The following STX8 variants were observed in gnomAD, a reference collection of about 807,000 sequenced individuals.
STX8 encodes the protein syntaxin-8.
In STX8, 23 loss-of-function variants were observed where a neutral mutation model predicts 37.5. The observed-to-expected ratio is 0.61, with a 90% CI of 0.44 to 0.87. STX8 has a LOEUF of 0.87. Among genes scored for constraint, STX8 ranks in the 40% least tolerant of loss-of-function variants. STX8 has a pLI of 0.00. For synonymous variants in STX8, 115 were observed against 99.1 expected (o/e 1.16, Z -0.95); for missense variants, 313 against 284.7 (o/e 1.10, Z -0.71).
At chr17:9,282,589 A>C (rs1474187568) in intron 7 of STX8, among the ~76,000 whole-genome samples, 1 of 152,244 alleles carries the variant, frequency 6.6e-6, no homozygotes, top group Non-Finnish European at 1.5e-5. Flanking sequence ...TATCCTCTTT[A>C]TGAATGAAAC....
At chr17:9,549,589 T>C (rs907867420) in intron 3 of STX8, among the ~76,000 whole-genome samples, 2 of 152,212 alleles carry the variant, frequency 1.3e-5, no homozygotes, top group Non-Finnish European at 2.9e-5. Flanking sequence ...AGAATCCTGA[T>C]AAAAACAATA....
At chr17:9,428,233 G>A (rs974848023) in intron 6 of STX8, among the ~76,000 whole-genome samples, 17 of 151,978 alleles carry the variant, frequency 1.1e-4, no homozygotes, top group Admixed American at 1.0e-3. Flanking sequence ...CACCAGAAAT[G>A]ACTTTTGTTT....
At chr17:9,259,536 G>A (rs28386961) in intron 7 of STX8, among the ~76,000 whole-genome samples, 77,703 of 152,098 alleles carry the variant, frequency 0.51, 22,545 homozygotes, top group African/African-American at 0.8. Flanking sequence ...TGATGAGGGC[G>A]TCCGGGAAAG....
intron 7 of STX8, among the ~76,000 whole-genome samples, chr17:9,352,118 C>G (rs1024659946): frequency 6.7e-6 from 1 of 149,708 alleles, no homozygotes. Context: ...TGCCACTGCA[C>G]TCCAGCCTGG....
chr17:9,258,246 G>A (rs948824030), intron 7 of STX8, among the ~76,000 whole-genome samples: 1 of 152,220 alleles, frequency 6.6e-6, no homozygotes, highest in African/African-American at 2.4e-5. Flanking sequence ...CCTGAGCTGA[G>A]GTGGGGAATA....
intron 6 of STX8, among the ~76,000 whole-genome samples, chr17:9,457,246 G>A (rs1905209414): frequency 6.6e-6 from 1 of 152,182 alleles, no homozygotes; most frequent in Non-Finnish European, 1.5e-5. Flanking sequence ...GTCTGACGTA[G>A]GTCTCCGTGG....
At chr17:9,441,380 C>T (rs1904645370) in intron 6 of STX8, among the ~76,000 whole-genome samples, 1 of 150,388 alleles carries the variant, frequency 6.6e-6, no homozygotes. Context: ...GTCCCAGCTA[C>T]TTGGGAGGCT....
At chr17:9,417,780 C>G (rs1032589271) in intron 6 of STX8, among the ~76,000 whole-genome samples, 4 of 152,156 alleles carry the variant, frequency 2.6e-5, no homozygotes, top group African/African-American at 9.7e-5. Context: ...TCAATCATGC[C>G]TATGTAATGG....
At chr17:9,383,287 C>T (rs1431042301) in intron 6 of STX8, among the ~76,000 whole-genome samples, 6 of 152,084 alleles carry the variant, frequency 3.9e-5, no homozygotes, top group Non-Finnish European at 4.4e-5. Flanking sequence ...TACTAAAGCA[C>T]GACTTATGGA....
At position 9,307,499 on chromosome 17, in the gene STX8, C is replaced by T. The variant is rs115963578; in HGVS notation, c.644-56854G>A. On this transcript the variant is annotated intron_variant, in intron 7 of 7. Coordinates refer to ENST00000306357, the MANE Select transcript of STX8 (RefSeq NM_004853.3). The stretch of plus-strand genomic sequence containing the variant: ...AGTTGCTTCTCCTGTTCTCTTCTTG[C>T]ATCAGCAGTGGTTCTGGCAATGGCT... Among the ~76,000 whole-genome samples the T allele has an allele frequency of 5.2e-3, 792 of 152,286 alleles. 6 individuals carry two copies. Among genetic ancestry groups the T allele is most frequent in the African/African-American group, 0.018 (747 of 41,562 alleles).
intron 7 of STX8, among the ~76,000 whole-genome samples, chr17:9,260,896 G>C (rs1215542714): frequency 6.6e-6 from 1 of 152,224 alleles, no homozygotes; most frequent in Non-Finnish European, 1.5e-5. Context: ...CAGAAACGTG[G>C]AAAGAATCAA....
intron 7 of STX8, among the ~76,000 whole-genome samples, chr17:9,369,733 T>C (rs1911341879): frequency 6.9e-6 from 1 of 145,182 alleles, no homozygotes; most frequent in African/African-American, 2.6e-5. Flanking sequence ...CTATAAAAAA[T>C]AAAATAAAAA....
chr17:9,394,241 G>C lies in STX8; in HGVS notation c.542-15588C>G, dbSNP rs375863006. On this transcript the variant is annotated intron_variant, in intron 6 of 7. Transcript: ENST00000306357. ...TGTCAACCATGCTAAGCGCGGCTTT[G>C]GATGTGGGAGGGATGGGGAGAGAGA... Among the ~76,000 whole-genome samples the C allele has an allele frequency of 2.6e-5, 4 of 152,238 alleles. No homozygotes were observed. The East Asian group carries it at 5.8e-4, about 22-fold the overall frequency.
intron 6 of STX8, among the ~76,000 whole-genome samples, chr17:9,472,069 C>T (rs1197535606): frequency 8.1e-6 from 1 of 122,734 alleles, no homozygotes; most frequent in Non-Finnish European, 1.8e-5. Flanking sequence ...CTGGTAGATT[C>T]CTTTTTTTTT....
At chr17:9,457,252 C>T (rs576696223) in intron 6 of STX8, among the ~76,000 whole-genome samples, 3 of 152,262 alleles carry the variant, frequency 2.0e-5, no homozygotes, top group South Asian at 2.1e-4. Context: ...CGTAGGTCTC[C>T]GTGGGTTAAA....
rs73976037 is a variant in STX8 at position 9,304,924 on chromosome 17, A to T, written c.644-54279T>A. Among the ~76,000 whole-genome samples the T allele has an allele frequency of 6.3e-3, 849 of 135,044 alleles. 10 individuals are homozygous for T. The highest frequency in any genetic ancestry group is 0.027 in the African/African-American group (798 of 29,868). 88.6% of individuals were successfully genotyped at this position (135,044 alleles called of 152,430 possible). On this transcript the variant is annotated intron_variant, in intron 7 of 7. Transcript: ENST00000306357. ...CCTTTCATATATGGGCGAAAAAAAA[A>T]ATATGTATATATATATATATATACA...
intron 6 of STX8, among the ~76,000 whole-genome samples, chr17:9,429,917 A>T (rs552970178): frequency 0.2 from 1,029 of 5,146 alleles, 228 homozygotes; most frequent in East Asian, 0.6. Flanking sequence ...TATTATATAT[A>T]ATATATATAA....
chr17:9,489,140 G>C (rs1431171129), intron 6 of STX8, among the ~76,000 whole-genome samples: 2 of 152,146 alleles, frequency 1.3e-5, no homozygotes, highest in Non-Finnish European at 2.9e-5. Flanking sequence ...GCCTCCCAAA[G>C]TGCTGGGATT....
intron 7 of STX8, among the ~76,000 whole-genome samples, chr17:9,257,953 C>A (rs1278483264): frequency 2.6e-5 from 4 of 152,238 alleles, no homozygotes; most frequent in Admixed American, 2.6e-4. Flanking sequence ...TGCGCCACTG[C>A]ACTCCAACCT....
Sources: allele counts gnomAD v4.1 joint callset (sites outside exome capture counted in the v4.1 genomes callset), GRCh38; gene constraint gnomAD v4.1.1; transcripts MANE v1.5; gene names NCBI Gene and HGNC (gene_info 2026-07-23, HGNC 2026-07-21).